Variants in NKAIN3 observed in about 807,000 individuals in gnomAD.
The protein encoded by NKAIN3 is sodium/potassium transporting ATPase interacting 3.
NKAIN3 carries 25 observed loss-of-function variants against 30.2 expected under a neutral mutation model. That is an observed-to-expected ratio of 0.83 (90% CI 0.60 to 1.16). NKAIN3 has a LOEUF of 1.16. Ranked by LOEUF, NKAIN3 falls within the 50% of genes most tolerant of loss-of-function variation. The probability of loss-of-function intolerance (pLI) is 0.00; values close to 1 mark genes in which losing one functional copy is unlikely to be tolerated. For missense variants in NKAIN3, 225 were observed against 254.1 expected, an observed-to-expected ratio of 0.89 and a Z score of 0.78; for synonymous variants, 91 against 89.6, an observed-to-expected ratio of 1.02 and a Z score of -0.09.
chr8:62,543,539 G>A (rs1456621483), intron 1 of NKAIN3, among the ~76,000 whole-genome samples: 1 of 152,142 alleles, frequency 6.6e-6, no homozygotes, highest in Non-Finnish European at 1.5e-5. Context: ...GAACACCTTT[G>A]GAATTAGTGG....
chr8:62,581,861 C>T lies in NKAIN3; in HGVS notation c.192+2185C>T, dbSNP rs150974561. On this transcript the variant is annotated intron_variant, in intron 2 of 6. Transcript: ENST00000623646. ...CCTTTTTTCCTTCCTCCCTCCCACCCATCCTCACTCCCTTCCTTCTACCCT... is the reference window on the plus strand; with the variant it reads ...CCTTTTTTCCTTCCTCCCTCCCACCTATCCTCACTCCCTTCCTTCTACCCT... Among the ~76,000 whole-genome samples the T allele has an allele frequency of 3.0e-3, 49 of 16,430 alleles. 7 individuals are homozygous for T. Among genetic ancestry groups the T allele is most frequent in the Non-Finnish European group, 4.1e-3 (24 of 5,802 alleles). 10.8% of individuals were successfully genotyped at this position (16,430 alleles called of 152,430 possible).
In NKAIN3 at chr8:62,695,488, C is replaced by T. The variant is rs868167299; in HGVS notation, c.274-51444C>T. Among the ~76,000 whole-genome samples the T allele has an allele frequency of 1.4e-4, 22 of 152,246 alleles. No individual in the cohort carries two copies. The Middle Eastern group carries it at 0.01, about 71-fold the overall frequency. ...TAATGAGGCAGAAAATTGTCAATGC[C>T]TATGGAGCAAGGAATAATACTGGGT... On this transcript the variant is annotated intron_variant, in intron 3 of 6. Transcript: ENST00000623646.
At position 62,326,125 on chromosome 8, in the gene NKAIN3, ATAAT is replaced by A. The variant is rs1460751690; in HGVS notation, c.54+77001_54+77004del. On this transcript the variant is annotated intron_variant, in intron 1 of 6. Coordinates refer to ENST00000623646, the MANE Select transcript of NKAIN3 (RefSeq NM_001304533.3). The stretch of plus-strand genomic sequence containing the variant: ...AATAAAGATAAAAATGTATTTAAAA[ATAAT>A]TATTGGCTTTGGAAAGAAGAAACAC... 1.6e-4 allele frequency among the ~76,000 whole-genome samples: 25 copies of A among 152,006 alleles called. 1 individual carries two copies. Among genetic ancestry groups the A allele is most frequent in the Middle Eastern group, 6.3e-3 (2 of 316 alleles).
At chr8:62,863,873 G>T (rs568488056) in intron 4 of NKAIN3, 3 of 1,496,712 alleles carry the variant, frequency 2.0e-6, no homozygotes, top group South Asian at 2.3e-5. Context: ...GCAGTAGTCC[G>T]CAGGGTCCTC....
rs1824060907 is a variant in NKAIN3 at position 62,980,949 on chromosome 8, G to A, written c.*15542G>A. The A allele has an allele frequency of 6.6e-6, 1 of 152,192 alleles. No homozygotes were observed. 9.4% of individuals were successfully genotyped at this position (152,192 alleles called of 1,614,324 possible). A position where few individuals can be genotyped will look rare whatever the true frequency, so the allele number is the denominator to read the frequency against. ...ACTCAAATTATCTAAGGTTTACCCA[G>A]AAGTCAAAATCACCTGGCCCTCTGT... On this transcript the variant is annotated 3_prime_UTR_variant, in exon 7 of 7. Coordinates refer to ENST00000623646, the MANE Select transcript of NKAIN3 (RefSeq NM_001304533.3).
chr8:62,480,058 A>G (rs765287139), intron 1 of NKAIN3, among the ~76,000 whole-genome samples: 1 of 152,162 alleles, frequency 6.6e-6, no homozygotes, highest in Non-Finnish European at 1.5e-5. Flanking sequence ...TTTAAATTGG[A>G]ATTCAGTCAC....
At chr8:62,766,420 A>G (rs1816840865) in intron 4 of NKAIN3, among the ~76,000 whole-genome samples, 1 of 152,162 alleles carries the variant, frequency 6.6e-6, no homozygotes, top group South Asian at 2.1e-4. Context: ...TGTCTGCTAA[A>G]CACCCCCTCT....
intron 1 of NKAIN3, among the ~76,000 whole-genome samples, chr8:62,546,021 T>C (rs1212055799): frequency 3.3e-5 from 5 of 152,220 alleles, no homozygotes; most frequent in Admixed American, 3.3e-4. Flanking sequence ...TATTTTAATA[T>C]ACATTTCTGT....
At chr8:62,388,689 T>G (rs1817500920) in intron 1 of NKAIN3, among the ~76,000 whole-genome samples, 1 of 152,224 alleles carries the variant, frequency 6.6e-6, no homozygotes, top group Admixed American at 6.5e-5. Context: ...ATGTTAAAAT[T>G]AAGACATCAG....
intron 1 of NKAIN3, among the ~76,000 whole-genome samples, chr8:62,567,232 C>T (rs866003670): frequency 6.6e-6 from 1 of 151,990 alleles, no homozygotes; most frequent in East Asian, 1.9e-4. Context: ...GTAACATTAG[C>T]TCAGATGTGG....
intron 1 of NKAIN3, among the ~76,000 whole-genome samples, chr8:62,525,728 G>A (rs541647280): frequency 3.2e-3 from 491 of 152,240 alleles, no homozygotes; most frequent in Non-Finnish European, 5.4e-3. Flanking sequence ...AATGGTAACT[G>A]AAAAACAACC....
At chr8:62,819,290 C>T (rs995880347) in intron 4 of NKAIN3, among the ~76,000 whole-genome samples, 2 of 151,478 alleles carry the variant, frequency 1.3e-5, no homozygotes, top group African/African-American at 4.8e-5. Flanking sequence ...CCATAAAATG[C>T]TCTAGAAAAC....
intron 4 of NKAIN3, among the ~76,000 whole-genome samples, chr8:62,881,172 T>C (rs528766475): frequency 4.6e-5 from 7 of 152,360 alleles, no homozygotes; most frequent in East Asian, 3.9e-4. Context: ...TAGGGTTCAC[T>C]CTTGACACTG....
chr8:62,708,236 G>A (rs770167666), intron 3 of NKAIN3, among the ~76,000 whole-genome samples: 1 of 151,996 alleles, frequency 6.6e-6, no homozygotes, highest in Non-Finnish European at 1.5e-5. Flanking sequence ...ATGAAGTTTA[G>A]AACTGTTTTA....
chr8:62,902,615 A>G (rs1821646334), intron 4 of NKAIN3, among the ~76,000 whole-genome samples: 1 of 152,202 alleles, frequency 6.6e-6, no homozygotes, highest in East Asian at 1.9e-4. Flanking sequence ...TCCTCAAAAT[A>G]TACTCGTAGT....
chr8:62,554,978 G>T (rs376676500), intron 1 of NKAIN3, among the ~76,000 whole-genome samples: 4 of 147,730 alleles, frequency 2.7e-5, no homozygotes, highest in East Asian at 2.0e-4. Flanking sequence ...TGCCCTCCAG[G>T]TTCATCTATG....
intron 1 of NKAIN3, among the ~76,000 whole-genome samples, chr8:62,410,882 A>G (rs1222454041): frequency 1.3e-5 from 2 of 152,146 alleles, no homozygotes; most frequent in African/African-American, 4.8e-5. Context: ...CAAAACAACA[A>G]CAACAAAAAA....
intron 3 of NKAIN3, among the ~76,000 whole-genome samples, chr8:62,643,640 A>G (rs959455184): frequency 6.6e-6 from 1 of 152,112 alleles, no homozygotes; most frequent in Admixed American, 6.6e-5. Flanking sequence ...AGGGGGCAAT[A>G]GGGACCTGCA....
At chr8:62,411,689 T>C (rs1308800553) in intron 1 of NKAIN3, among the ~76,000 whole-genome samples, 1 of 152,168 alleles carries the variant, frequency 6.6e-6, no homozygotes, top group African/African-American at 2.4e-5. Flanking sequence ...CTAGAACTGA[T>C]AAACAATTTT....
Sources: gnomAD v4.1 joint callset for allele counts (sites outside exome capture counted in the v4.1 genomes callset) on GRCh38, gnomAD v4.1.1 for gene constraint, MANE v1.5 for transcripts, NCBI Gene and HGNC (gene_info 2026-07-23, HGNC 2026-07-21) for gene names.